GALNT17: variants seen among roughly 807,000 people sequenced by gnomAD.
The protein encoded by GALNT17 is polypeptide N-acetylgalactosaminyltransferase 17.
Under a neutral mutation model 63.7 loss-of-function variants are expected in GALNT17, and 29 were observed. That is an observed-to-expected ratio of 0.46 (90% confidence interval 0.34 to 0.62). The LOEUF is 0.62. GALNT17 is among the 20% of genes least tolerant of loss of function. The probability of loss-of-function intolerance (pLI) is 0.01; values close to 1 mark genes in which losing one functional copy is unlikely to be tolerated. For missense variants in GALNT17, 603 were observed against 799.6 expected, an observed-to-expected ratio of 0.75 and a Z score of 2.97; for synonymous variants, 305 against 318.3, an observed-to-expected ratio of 0.96 and a Z score of 0.45.
At chr7:71,341,532 A>C (rs1344671127) in intron 2 of GALNT17, among the ~76,000 whole-genome samples, 3 of 152,250 alleles carry the variant, frequency 2.0e-5, no homozygotes, top group African/African-American at 4.8e-5. Context: ...TGGATGAAGA[A>C]AAAGTCCTGA....
chr7:71,407,401 C>T (rs1563070202), intron 3 of GALNT17, among the ~76,000 whole-genome samples: 1 of 151,908 alleles, frequency 6.6e-6, no homozygotes, highest in South Asian at 2.1e-4. Context: ...GTTGGAAGAA[C>T]CCCCTGGCCA....
At position 71,288,494 on chromosome 7, in the gene GALNT17, T is replaced by C. The variant is rs183462382; in HGVS notation, c.239-47056T>C. On this transcript the variant is annotated intron_variant, in intron 1 of 10. Coordinates refer to ENST00000333538, the MANE Select transcript of GALNT17 (RefSeq NM_022479.3). ...TCCCATGAGTCTGTCTTTTCCTGAC[T>C]ATAAGCCCTGAGCGGGCTGGATCCT... Among the ~76,000 whole-genome samples, 1,444 of 152,278 alleles carry C rather than the reference T, an allele frequency of 9.5e-3. 13 individuals carry two copies. Among genetic ancestry groups the C allele is most frequent in the Middle Eastern group, 0.017 (5 of 294 alleles).
chr7:71,284,238 C>T, intron 1 of GALNT17: 1 of 161,572 alleles, frequency 6.2e-6, no homozygotes, highest in Non-Finnish European at 1.3e-5. Context: ...CCGGAAGGAA[C>T]CAACTCTGGA....
intron 1 of GALNT17, among the ~76,000 whole-genome samples, chr7:71,221,365 T>C (rs1789579658): frequency 6.6e-6 from 1 of 151,248 alleles, no homozygotes. Flanking sequence ...TGTAACCTTA[T>C]ACAGAATTAC....
intron 6 of GALNT17, among the ~76,000 whole-genome samples, chr7:71,655,281 T>G (rs994415968): frequency 1.3e-5 from 2 of 151,966 alleles, no homozygotes; most frequent in African/African-American, 4.8e-5. Context: ...AGAAAAAGAT[T>G]CAAAAAACTT....
intron 1 of GALNT17, among the ~76,000 whole-genome samples, chr7:71,245,285 C>T (rs1323692106): frequency 1.3e-5 from 2 of 152,056 alleles, no homozygotes; most frequent in African/African-American, 2.4e-5. Context: ...CTGTGGGGGC[C>T]GTGCTAAGAG....
At chr7:71,482,614 C>T (rs987405686) in intron 5 of GALNT17, among the ~76,000 whole-genome samples, 1 of 152,156 alleles carries the variant, frequency 6.6e-6, no homozygotes, top group Non-Finnish European at 1.5e-5. Context: ...CGTTGCTGTA[C>T]TGAATACTGT....
At chr7:71,311,282 G>A (rs781596096) in intron 1 of GALNT17, among the ~76,000 whole-genome samples, 1 of 152,158 alleles carries the variant, frequency 6.6e-6, no homozygotes, top group Non-Finnish European at 1.5e-5. Context: ...GTGTGGTGTT[G>A]GTCAGGGAGG....
chr7:71,335,989 C>A lies in GALNT17; in HGVS notation c.422+256C>A, dbSNP rs533930354. Reference sequence around the variant, plus strand: ...CAAAAAGCTTTGTATTTTAATTCTTCTTCTTCTTCTTCTTCTTCCTTCTTC... The same window carrying A: ...CAAAAAGCTTTGTATTTTAATTCTTATTCTTCTTCTTCTTCTTCCTTCTTC... On this transcript the variant is annotated intron_variant, in intron 2 of 10. Coordinates refer to ENST00000333538, the MANE Select transcript of GALNT17 (RefSeq NM_022479.3). Among the ~76,000 whole-genome samples, 18 of 79,938 alleles carry A rather than the reference C, an allele frequency of 2.3e-4. No individual in the cohort carries two copies. The East Asian group carries it at 5.0e-3, about 22-fold the overall frequency. The allele number at this position is 79,938 out of a possible 152,430, so 52.4% of individuals were successfully genotyped here.
At chr7:71,582,643 G>A (rs1478311254) in intron 6 of GALNT17, among the ~76,000 whole-genome samples, 3 of 152,102 alleles carry the variant, frequency 2.0e-5, no homozygotes, top group Non-Finnish European at 4.4e-5. Context: ...GCCATAAAAA[G>A]GAATGAATTA....
At chr7:71,418,399 C>CA (rs1563077859) in intron 4 of GALNT17, among the ~76,000 whole-genome samples, 1 of 152,204 alleles carries the variant, frequency 6.6e-6, no homozygotes, top group African/African-American at 2.4e-5. Context: ...AGTCTCCAGT[C>CA]ACAATGACTT....
chr7:71,422,860 C>A (rs1478705823), intron 5 of GALNT17, among the ~76,000 whole-genome samples: 1 of 152,134 alleles, frequency 6.6e-6, no homozygotes, highest in Admixed American at 6.5e-5. Flanking sequence ...CAAGGTGTTC[C>A]TGAGTGGTGG....
chr7:71,380,394 G>T (rs2116315720), intron 2 of GALNT17, among the ~76,000 whole-genome samples: 1 of 152,142 alleles, frequency 6.6e-6, no homozygotes, highest in Non-Finnish European at 1.5e-5. Flanking sequence ...GGAGTGCAGT[G>T]GTGCCATCAT....
At chr7:71,538,347 T>TC (rs1788833337) in intron 5 of GALNT17, among the ~76,000 whole-genome samples, 1 of 152,118 alleles carries the variant, frequency 6.6e-6, no homozygotes, top group Admixed American at 6.5e-5. Context: ...AACCTCTTAT[T>TC]CCATCAGCCC....
At chr7:71,540,118 T>TTTTTTTTTTTG (rs1788865423) in intron 5 of GALNT17, among the ~76,000 whole-genome samples, 1 of 114,116 alleles carries the variant, frequency 8.8e-6, no homozygotes, top group Non-Finnish European at 1.8e-5. Flanking sequence ...TTTTTTTTTT[T>TTTTTTTTTTTG]TTTTTTTTTT....
In GALNT17 at chr7:71,265,098, T is replaced by TTATATATATATATATATATATA. The variant is rs1554345967; in HGVS notation, c.239-70431_239-70430insATATATATATATATATATATAT. Among the ~76,000 whole-genome samples the TTATATATATATATATATATATA allele has an allele frequency of 1.2e-3, 95 of 78,336 alleles. 2 individuals carry two copies. Among genetic ancestry groups the TTATATATATATATATATATATA allele is most frequent in the Non-Finnish European group, 1.4e-3 (54 of 38,178 alleles). The allele number at this position is 78,336 out of a possible 152,430, so 51.4% of individuals were successfully genotyped here. A position where few individuals can be genotyped will look rare whatever the true frequency, so the allele number is the denominator to read the frequency against. On this transcript the variant is annotated intron_variant, in intron 1 of 10. Transcript: ENST00000333538. The stretch of plus-strand genomic sequence containing the variant: ...AAATACCACACGTAACCCATAAATA[T>TTATATATATATATATATATATA]TATATATATATATATATATATTTTT...
chr7:71,360,908 A>G (rs1399972416), intron 2 of GALNT17, among the ~76,000 whole-genome samples: 1 of 152,236 alleles, frequency 6.6e-6, no homozygotes, highest in Non-Finnish European at 1.5e-5. Context: ...ACTACACTCC[A>G]GTGTGGGTGA....
At chr7:71,266,546 A>G (rs1790495568) in intron 1 of GALNT17, among the ~76,000 whole-genome samples, 1 of 152,180 alleles carries the variant, frequency 6.6e-6, no homozygotes, top group Admixed American at 6.5e-5. Flanking sequence ...CAGAACTATG[A>G]GTCATTTAAA....
At chr7:71,512,418 G>C (rs1214874056) in intron 5 of GALNT17, among the ~76,000 whole-genome samples, 4 of 152,138 alleles carry the variant, frequency 2.6e-5, no homozygotes, top group African/African-American at 9.7e-5. Context: ...GGGTGGACAT[G>C]CCCTGACTTC....
Sources: allele counts gnomAD v4.1 joint callset (sites outside exome capture counted in the v4.1 genomes callset), GRCh38; gene constraint gnomAD v4.1.1; transcripts MANE v1.5; gene names NCBI Gene and HGNC (gene_info 2026-07-23, HGNC 2026-07-21).